The following MGST2 variants were observed in gnomAD, a reference collection of about 807,000 sequenced individuals.
MGST2 encodes the protein microsomal glutathione S-transferase 2, also known as glutathione peroxidase MGST2.
Under a neutral mutation model 16.6 loss-of-function variants are expected in MGST2, and 9 were observed. The observed-to-expected ratio is 0.54, with a 90% CI of 0.33 to 0.95. The LOEUF is 0.95. Among genes scored for constraint, MGST2 ranks in the 40% least tolerant of loss-of-function variants. The pLI is 0.03. For synonymous variants in MGST2, 79 were observed against 68.0 expected, an observed-to-expected ratio of 1.16 and a Z score of -0.79; for missense variants, 159 against 175.1, an observed-to-expected ratio of 0.91 and a Z score of 0.52.
chr4:139,682,872 GA>G lies in MGST2; in HGVS notation c.158+4243del, dbSNP rs74269656. On this transcript the variant is annotated intron_variant, in intron 2 of 4. Coordinates refer to ENST00000265498, the MANE Select transcript of MGST2 (RefSeq NM_002413.5). ...ATTTATTGGATGTAAAGGAAAAAAAGAAAAAAAAAAAAAGAAACTCAACAAA... is the reference window on the plus strand; with the variant it reads ...ATTTATTGGATGTAAAGGAAAAAAAGAAAAAAAAAAAAGAAACTCAACAAA... Among the ~76,000 whole-genome samples, 1,108 of 130,838 alleles carry G rather than the reference GA, an allele frequency of 8.5e-3. 4 individuals are homozygous for G. The highest frequency in any genetic ancestry group is 0.024 in the African/African-American group (872 of 35,762). The allele number at this position is 130,838 out of a possible 152,430, so 85.8% of individuals were successfully genotyped here. A position where few individuals can be genotyped will look rare whatever the true frequency, so the allele number is the denominator to read the frequency against.
chr4:139,684,539 G>A (rs1406406243), intron 2 of MGST2, among the ~76,000 whole-genome samples: 1 of 152,204 alleles, frequency 6.6e-6, no homozygotes, highest in East Asian at 1.9e-4. Context: ...AGAGGCATTA[G>A]AGAGTGACGT....
downstream of MGST2, among the ~76,000 whole-genome samples, chr4:139,744,232 T>G (rs1343470575): frequency 6.6e-6 from 1 of 152,236 alleles, no homozygotes; most frequent in East Asian, 1.9e-4. Context: ...GGATCTGGTT[T>G]GAGAACATGG....
intron 5 of MGST2, among the ~76,000 whole-genome samples, chr4:139,713,789 G>T (rs889689894): frequency 5.3e-5 from 8 of 152,210 alleles, no homozygotes; most frequent in African/African-American, 1.9e-4. Context: ...TGGAGAAGAA[G>T]AGAATAGACA....
chr4:139,737,741 T>A (rs1729001030), intron 5 of MGST2, among the ~76,000 whole-genome samples: 1 of 152,232 alleles, frequency 6.6e-6, no homozygotes, highest in African/African-American at 2.4e-5. Context: ...TTTGGTTTTC[T>A]TTTACAAACT....
At chr4:139,704,431 G>A (rs1009496057), downstream of MGST2, among the ~76,000 whole-genome samples, 67 of 152,140 alleles carry the variant, frequency 4.4e-4, no homozygotes, top group African/African-American at 1.5e-3. Flanking sequence ...TGTGCTGGCC[G>A]TTCCGAGGAC....
intron 4 of MGST2, among the ~76,000 whole-genome samples, 192 bp from the exon 5 acceptor site, chr4:139,703,824 G>C (rs1727404609): frequency 6.6e-6 from 1 of 152,212 alleles, no homozygotes; most frequent in Admixed American, 6.5e-5. Context: ...ATAATGCTTT[G>C]AATGTTCAAA....
In MGST2 at chr4:139,683,054, G is replaced by A. The variant is rs898448759; in HGVS notation, c.158+4412G>A. 6.6e-5 allele frequency among the ~76,000 whole-genome samples: 10 copies of A among 152,126 alleles called. No homozygotes were observed. The East Asian group carries it at 1.7e-3, about 26-fold the overall frequency. Reference sequence around the variant, plus strand: ...TGAGCATGCAGGCTTTATTCAGAAAGAATCAGTTTGGAAAGGGCAGGCAAG... The same window carrying A: ...TGAGCATGCAGGCTTTATTCAGAAAAAATCAGTTTGGAAAGGGCAGGCAAG... On this transcript the variant is annotated intron_variant, in intron 2 of 4. Coordinates refer to ENST00000265498, the MANE Select transcript of MGST2 (RefSeq NM_002413.5).
chr4:139,745,250 A>G (rs569073738), downstream of MGST2, among the ~76,000 whole-genome samples: 5 of 152,158 alleles, frequency 3.3e-5, no homozygotes, highest in African/African-American at 1.2e-4. Flanking sequence ...CCATGGACAG[A>G]TCTGCATGCA....
chr4:139,751,478 T>A, the MGST2 span, among the ~76,000 whole-genome samples: 2 of 152,230 alleles, frequency 1.3e-5, no homozygotes, highest in Admixed American at 6.5e-5. Context: ...GAAACAAAGT[T>A]TTGACTGCAT....
At chr4:139,693,793 G>A (rs544291073) in intron 2 of MGST2, among the ~76,000 whole-genome samples, 1 of 152,312 alleles carries the variant, frequency 6.6e-6, no homozygotes, top group East Asian at 1.9e-4. Context: ...GGCCTTTTGG[G>A]TGGTAATGGC....
At chr4:139,720,676 G>A (rs1000125134) in intron 5 of MGST2, among the ~76,000 whole-genome samples, 1 of 152,330 alleles carries the variant, frequency 6.6e-6, no homozygotes. Flanking sequence ...AGATCCTGAT[G>A]TAATTCTTGT....
At chr4:139,699,100 AC>A (rs1166364166) in intron 3 of MGST2, among the ~76,000 whole-genome samples, 1 of 152,260 alleles carries the variant, frequency 6.6e-6, no homozygotes, top group Non-Finnish European at 1.5e-5. Context: ...TTACTGCGAT[AC>A]GCAATTTTCT....
At chr4:139,730,091 C>A (rs1728641059) in intron 5 of MGST2, among the ~76,000 whole-genome samples, 1 of 152,200 alleles carries the variant, frequency 6.6e-6, no homozygotes, top group Non-Finnish European at 1.5e-5. Context: ...GTGAGACAGT[C>A]CCCGCCATGT....
chr4:139,694,429 A>G (rs747654648), intron 2 of MGST2, among the ~76,000 whole-genome samples: 33 of 151,944 alleles, frequency 2.2e-4, no homozygotes, highest in Non-Finnish European at 3.8e-4. Context: ...TGGTGGTGAA[A>G]TTGTCAGCAA....
intron 5 of MGST2, among the ~76,000 whole-genome samples, chr4:139,712,641 A>G: frequency 6.6e-6 from 1 of 152,212 alleles, no homozygotes; most frequent in Admixed American, 6.5e-5. Context: ...AGTTAGGTAA[A>G]TTCCTGTCCT....
At chr4:139,730,835 C>T (rs1439624966) in intron 5 of MGST2, 8 of 632,322 alleles carry the variant, frequency 1.3e-5, no homozygotes, top group Non-Finnish European at 2.2e-5. Context: ...CAAACCCGAC[C>T]TTACCTGAGT....
intron 1 of MGST2, among the ~76,000 whole-genome samples, chr4:139,675,447 C>G (rs914142041): frequency 6.6e-5 from 10 of 152,082 alleles, no homozygotes; most frequent in African/African-American, 2.4e-4. Flanking sequence ...TGAAGGTGGT[C>G]CCAGGCATCA....
chr4:139,703,364 T>A (rs1332402083), intron 3 of MGST2, 91 bp from the exon 4 acceptor site: 1 of 1,052,202 alleles, frequency 9.5e-7, no homozygotes, highest in Non-Finnish European at 1.5e-6. Context: ...CAATATATGT[T>A]TTGTGAATAT....
the MGST2 span, among the ~76,000 whole-genome samples, chr4:139,750,459 T>C: frequency 6.6e-6 from 1 of 152,224 alleles, no homozygotes; most frequent in African/African-American, 2.4e-5. Context: ...AAATGGCCTT[T>C]GGTGCAGTTT....
Sources: gnomAD v4.1 joint callset for allele counts (sites outside exome capture counted in the v4.1 genomes callset) on GRCh38, gnomAD v4.1.1 for gene constraint, MANE v1.5 for transcripts, NCBI Gene and HGNC (gene_info 2026-07-23, HGNC 2026-07-21) for gene names.